FAT3: variants seen among roughly 807,000 people sequenced by gnomAD.
FAT3 encodes FAT atypical cadherin 3.
Under a neutral mutation model 310.2 loss-of-function variants are expected in FAT3, and 95 were observed. That is an observed-to-expected ratio of 0.31 (90% CI 0.26 to 0.36). The LOEUF (loss-of-function observed/expected upper bound fraction) is 0.36, where lower values mean the gene tolerates loss of function less well. Among genes scored for constraint, FAT3 ranks in the 10% least tolerant of loss-of-function variants. The probability of loss-of-function intolerance (pLI) is 1.00; values close to 1 mark genes in which losing one functional copy is unlikely to be tolerated. For synonymous variants in FAT3, 2,314 were observed against 2,192.9 expected (o/e 1.06, Z -1.54); for missense variants, 5,408 against 5,715.6 (o/e 0.95, Z 1.74).
At chr11:92,282,008 C>A (rs553376465) in intron 1 of FAT3, among the ~76,000 whole-genome samples, 7 of 151,994 alleles carry the variant, frequency 4.6e-5, no homozygotes, top group African/African-American at 7.2e-5. Flanking sequence ...TGGGTTCCAG[C>A]GATTCTCCTG....
intron 1 of FAT3, among the ~76,000 whole-genome samples, chr11:92,304,274 TG>T (rs1947067762): frequency 6.6e-6 from 1 of 152,148 alleles, no homozygotes; most frequent in Admixed American, 6.5e-5. Context: ...GTGGTTTCTC[TG>T]GGAAGTAATT....
At chr11:92,247,133 G>C (rs1204525050) in intron 1 of FAT3, among the ~76,000 whole-genome samples, 4 of 152,128 alleles carry the variant, frequency 2.6e-5, no homozygotes, top group Non-Finnish European at 5.9e-5. Flanking sequence ...CAAGGGTCTG[G>C]GGTGTGGCTG....
chr11:92,691,294 G>T (rs927028293), intron 3 of FAT3, among the ~76,000 whole-genome samples: 5 of 152,168 alleles, frequency 3.3e-5, no homozygotes, highest in African/African-American at 1.2e-4. Context: ...AGGTCTCCTG[G>T]CCCCTAGACA....
rs1946578867 is a variant in FAT3, at chr11:92,775,592, A to T, written c.4335+1412A>T. Among the ~76,000 whole-genome samples, 4 of 152,204 alleles carry T rather than the reference A, an allele frequency of 2.6e-5. No homozygotes were observed. The South Asian group carries it at 8.3e-4, about 31-fold the overall frequency. On this transcript the variant is annotated intron_variant, in intron 7 of 27. Transcript: ENST00000525166. ...GACTCTGTTTGCCTTAAAGAGTCCC[A>T]TTTATGTCTGTGGAATTGGCATAAT...
At chr11:92,802,122 T>C (rs1199114209) in intron 10 of FAT3, among the ~76,000 whole-genome samples, 1 of 152,190 alleles carries the variant, frequency 6.6e-6, no homozygotes, top group Non-Finnish European at 1.5e-5. Context: ...ACAGGTTTGC[T>C]GTAAATGTGT....
chr11:92,276,128 C>T (rs1395462533), intron 1 of FAT3, among the ~76,000 whole-genome samples: 1 of 151,232 alleles, frequency 6.6e-6, no homozygotes, highest in East Asian at 1.9e-4. Flanking sequence ...TAGTCCCGAA[C>T]CAAAATATTT....
intron 3 of FAT3, among the ~76,000 whole-genome samples, chr11:92,534,274 C>T (rs1404300219): frequency 6.6e-6 from 1 of 151,994 alleles, no homozygotes; most frequent in African/African-American, 2.4e-5. Context: ...TAACCACAGT[C>T]CTGGGGGGGG....
intron 6 of FAT3, among the ~76,000 whole-genome samples, chr11:92,768,639 T>TA (rs1946382017): frequency 6.6e-6 from 1 of 152,208 alleles, no homozygotes; most frequent in South Asian, 2.1e-4. Flanking sequence ...CCTTCCTCCT[T>TA]ACGTAAGCAT....
At chr11:92,834,844 A>G (rs1316267455) in intron 14 of FAT3, 26 bp from the exon 15 acceptor site, 1 of 1,554,168 alleles carries the variant, frequency 6.4e-7, no homozygotes, top group African/African-American at 1.4e-5. Context: ...CTAATGAAAT[A>G]TAAAGCTCCC....
chr11:92,600,155 C>G (rs1157034609), intron 3 of FAT3, among the ~76,000 whole-genome samples: 1 of 152,160 alleles, frequency 6.6e-6, no homozygotes, highest in Non-Finnish European at 1.5e-5. Flanking sequence ...TTAGTTATCA[C>G]TTACTGTAGT....
At chr11:92,372,279 C>G (rs1368677738) in intron 2 of FAT3, among the ~76,000 whole-genome samples, 1 of 151,732 alleles carries the variant, frequency 6.6e-6, no homozygotes, top group Non-Finnish European at 1.5e-5. Context: ...GGGGGGCTTC[C>G]TTATTCTGTG....
chr11:92,835,074 C>G lies in FAT3; in HGVS notation c.10076C>G (p.Ser3359Cys), dbSNP rs374741231. Reference sequence around the variant, plus strand: ...AGTGAAGACGCCTTGGTGGGAGACTCTGTCATTTTGGTAGGTACCTGGGGT... The same window carrying G: ...AGTGAAGACGCCTTGGTGGGAGACTGTGTCATTTTGGTAGGTACCTGGGGT... ...VISEDALVGD[S>C]VILLIAEDVD... Residue 3359 changes from serine (S) to cysteine (C), a missense_variant, in exon 15 of 28, where the codon TCT becomes TGT. Transcript: ENST00000525166. 6.2e-7 allele frequency: 1 copy of G among 1,612,100 alleles called. No individual in the cohort carries two copies. Among genetic ancestry groups the G allele is most frequent in the Non-Finnish European group, 8.5e-7 (1 of 1,179,378 alleles).
intron 3 of FAT3, among the ~76,000 whole-genome samples, chr11:92,604,631 C>A (rs1940188069): frequency 6.6e-6 from 1 of 152,184 alleles, no homozygotes; most frequent in Non-Finnish European, 1.5e-5. Context: ...TCCTGCGTCA[C>A]CTTACTCTGT....
chr11:92,274,640 A>G (rs1293156069), intron 1 of FAT3, among the ~76,000 whole-genome samples: 1 of 152,058 alleles, frequency 6.6e-6, no homozygotes, highest in Non-Finnish European at 1.5e-5. Flanking sequence ...AAACCTTTGA[A>G]AATATTTTAC....
intron 1 of FAT3, among the ~76,000 whole-genome samples, chr11:92,287,493 TAC>T: frequency 6.6e-6 from 1 of 152,280 alleles, no homozygotes; most frequent in East Asian, 1.9e-4. Flanking sequence ...TATTTTGTAC[TAC>T]AGCCATGTTT....
rs2136083609 is a variant in FAT3, at chr11:92,761,879, C to T, written c.3693C>T (p.Pro1231=). 1 of 1,613,700 alleles carries T rather than the reference C, an allele frequency of 6.2e-7. No individual in the cohort carries two copies. The highest frequency in any genetic ancestry group is 8.5e-7 in the Non-Finnish European group (1 of 1,179,692). ...FLEVTVTDGG[P]SPKQSTIWVV... ...AGGTGACTGTGACAGATGGTGGTCCCTCTCCAAAACAGTCAACCATTTGGG... is the reference window on the plus strand; with the variant it reads ...AGGTGACTGTGACAGATGGTGGTCCTTCTCCAAAACAGTCAACCATTTGGG... Residue 1231 remains proline (P), a synonymous_variant, in exon 5 of 28, where the codon CCC becomes CCT. Transcript: ENST00000525166.
At chr11:92,640,540 G>A (rs562744746) in intron 3 of FAT3, among the ~76,000 whole-genome samples, 1 of 152,232 alleles carries the variant, frequency 6.6e-6, no homozygotes, top group Non-Finnish European at 1.5e-5. Flanking sequence ...GAAAGTTTTA[G>A]TGTAAATGCA....
intron 8 of FAT3, 115 bp downstream of exon 8, chr11:92,790,333 C>G: frequency 8.7e-7 from 1 of 1,143,368 alleles, no homozygotes. Flanking sequence ...TAAATTTAGT[C>G]TTTTCACAGA....
At chr11:92,525,466 AT>A (rs1257216082) in intron 3 of FAT3, among the ~76,000 whole-genome samples, 4 of 152,152 alleles carry the variant, frequency 2.6e-5, no homozygotes. Context: ...TATAACTTCA[AT>A]TTTCTGGTCT....
Sources: gnomAD v4.1 joint callset for allele counts (sites outside exome capture counted in the v4.1 genomes callset) on GRCh38, gnomAD v4.1.1 for gene constraint, MANE v1.5 for transcripts, NCBI Gene and HGNC (gene_info 2026-07-23, HGNC 2026-07-21) for gene names.